The following ODC1 variants were observed in gnomAD, a reference collection of about 807,000 sequenced individuals.
ODC1 encodes the protein ornithine decarboxylase 1.
Under a neutral mutation model 41.5 loss-of-function variants are expected in ODC1, and 18 were observed. The ratio of observed to expected loss-of-function variants is 0.43; its 90% CI spans 0.30 to 0.64. The LOEUF (loss-of-function observed/expected upper bound fraction) is 0.64. Among genes scored for constraint, ODC1 ranks in the 30% least tolerant of loss-of-function variants. ODC1 has a pLI of 0.11. For missense variants in ODC1, 504 were observed against 589.0 expected (o/e 0.86, Z 1.49); for synonymous variants, 218 against 211.6 (o/e 1.03, Z -0.26).
At position 10,441,695 on chromosome 2, in the gene ODC1, G is replaced by A; in HGVS notation, c.1055C>T (p.Ser352Leu). 2.5e-6 allele frequency: 4 copies of A among 1,614,170 alleles called. No homozygotes were observed. The highest frequency in any genetic ancestry group is 2.5e-6 in the Non-Finnish European group (3 of 1,180,032). The change falls in exon 11 of 12, where the codon TCA (serine) becomes TTA (leucine). Residue 352 changes from serine to leucine, a missense_variant. By Grantham distance (145) the Ser-to-Leu change is moderately radical (BLOSUM62 -2). Coordinates refer to ENST00000234111, the MANE Select transcript of ODC1 (RefSeq NM_002539.3). Reference protein sequence around the residue: ...KRPKPDEKYYSSSIWGPTCDG... With the variant: ...KRPKPDEKYYLSSIWGPTCDG... Reference sequence around the variant, plus strand: ...ACATGTTGGTCCCCATATGCTGGATGAATAATACTTCTCATCTGGTTTAGG... The same window carrying A: ...ACATGTTGGTCCCCATATGCTGGATAAATAATACTTCTCATCTGGTTTAGG...
rs758530980 is a variant in ODC1 at position 10,441,539 on chromosome 2, G to A, written c.1211C>T (p.Thr404Met). Residue 404 changes from threonine to methionine, a missense_variant, in exon 11 of 12, where the codon ACG (threonine) becomes ATG (methionine). Transcript: ENST00000234111. ...ASTFNGFQRP[T>M]IYYVMSGPAW... ...AGGCCCTGACATCACATAGTAGATC[G>A]TCGGCCTCTGGAAGCCATTGAACGT... 5 of 1,613,928 alleles carry A rather than the reference G, an allele frequency of 3.1e-6. No homozygotes were observed. The highest frequency in any genetic ancestry group is 1.7e-5 in the Admixed American group (1 of 59,976).
chr2:10,445,178 G>A lies in ODC1; in HGVS notation c.-41C>T, dbSNP rs1671971218. On this transcript the variant is annotated 5_prime_UTR_variant, in exon 2 of 12. Transcript: ENST00000234111. Reference sequence around the variant, plus strand: ...ACATGGAAAACTAAGAGATGGAATTGAAAGAAATATTTCCAGCTTCTCACA... The same window carrying A: ...ACATGGAAAACTAAGAGATGGAATTAAAAGAAATATTTCCAGCTTCTCACA... The A allele has an allele frequency of 1.7e-6, 1 of 585,612 alleles. No individual in the cohort carries two copies. The highest frequency in any genetic ancestry group is 3.0e-5 in the Admixed American group (1 of 33,198). 36.3% of individuals were successfully genotyped at this position (585,612 alleles called of 1,614,324 possible). A position where few individuals can be genotyped will look rare whatever the true frequency, so the allele number is the denominator to read the frequency against.
At chr2:10,444,445 C>T (rs1397470355) in intron 4 of ODC1, 29 bp downstream of exon 4, 19 of 1,574,756 alleles carry the variant, frequency 1.2e-5, no homozygotes, top group African/African-American at 4.1e-5. Flanking sequence ...TTTTATACAA[C>T]GCTTTTGAGG....
In ODC1 at chr2:10,443,287, C is replaced by G. The variant is rs1042340617; in HGVS notation, c.693G>C (p.Leu231=). The G allele has an allele frequency of 1.9e-6, 3 of 1,611,846 alleles. No homozygotes were observed. In the African/African-American group the frequency reaches 4.0e-5, roughly 22 times the overall value. ...MGAEVGFSMY[L]LDIGGGFPGS... The stretch of plus-strand genomic sequence containing the variant: ...CAGGAAAGCCACCGCCAATATCAAG[C>G]AGATACATGCTGAAACCAACCTCAG... The change falls in exon 8 of 12, where the codon CTG becomes CTC. Residue 231 remains leucine (L), a synonymous_variant. Transcript: ENST00000234111.
intron 11 of ODC1, 146 bp from the exon 12 acceptor site, chr2:10,441,014 T>C: frequency 5.3e-6 from 5 of 941,588 alleles, no homozygotes; most frequent in Non-Finnish European, 7.7e-6. Flanking sequence ...TGGAATACAA[T>C]GGTGCTATCA....
chr2:10,444,417 T>TG, intron 4 of ODC1, 57 bp downstream of exon 4: 6 of 1,541,496 alleles, frequency 3.9e-6, no homozygotes, highest in Non-Finnish European at 5.2e-6. Context: ...ATCTGCCTCG[T>TG]GGGGAATACC....
At chr2:10,445,345 G>A (rs1217665006) in intron 1 of ODC1, 81 bp from the exon 2 acceptor site, 6 of 313,570 alleles carry the variant, frequency 1.9e-5, no homozygotes, top group African/African-American at 2.2e-5. Context: ...AGCACACGCA[G>A]AGCTAATCAT....
At chr2:10,444,878 C>G in intron 3 of ODC1, 53 bp downstream of exon 3, 1 of 1,340,932 alleles carries the variant, frequency 7.5e-7, no homozygotes, top group Non-Finnish European at 1.1e-6. Context: ...CCAAAGTTTT[C>G]CACTTGCCTG....
intron 8 of ODC1, among the ~76,000 whole-genome samples, chr2:10,442,971 C>T (rs564745273): frequency 1.1e-3 from 169 of 152,270 alleles, no homozygotes; most frequent in Non-Finnish European, 1.9e-3. Context: ...CCTTGGCCTC[C>T]CCAAGTGCTG....
rs776281486 is a variant in ODC1, at chr2:10,444,937, A to C, written c.96T>G (p.Ser32=). 2.0e-5 allele frequency: 33 copies of C among 1,610,390 alleles called. No homozygotes were observed. Among genetic ancestry groups the C allele is most frequent in the Non-Finnish European group, 2.7e-5 (32 of 1,176,762 alleles). ...ATGGGCCTCATATACTTACAGAAGA[A>C]GAAACTTCATTAATTTTCTGGTCCA... ...DILDQKINEV[S]SSDDKDAFYV... is the part of the protein sequence containing the mutation. Residue 32 remains serine (S), a synonymous_variant, in exon 3 of 12, where the codon TCT becomes TCG. Coordinates refer to ENST00000234111, the MANE Select transcript of ODC1 (RefSeq NM_002539.3).
chr2:10,440,890 A>G, intron 11 of ODC1, 22 bp from the exon 12 acceptor site: 2 of 1,613,634 alleles, frequency 1.2e-6, no homozygotes, highest in Non-Finnish European at 1.7e-6. Flanking sequence ...AAAGTGGCAT[A>G]TTAAAAACCC....
intron 8 of ODC1, 101 bp from the exon 9 acceptor site, chr2:10,442,275 G>T: frequency 8.5e-7 from 1 of 1,181,178 alleles, no homozygotes; most frequent in Non-Finnish European, 1.2e-6. Context: ...CATGAGACCA[G>T]GCATCAACAG....
At chr2:10,442,801 C>G (rs1028661093) in intron 8 of ODC1, among the ~76,000 whole-genome samples, 3 of 152,074 alleles carry the variant, frequency 2.0e-5, no homozygotes, top group Admixed American at 6.5e-5. Context: ...GCCTCAACCT[C>G]CTGGGCTCAA....
chr2:10,443,478 A>T lies in ODC1; in HGVS notation c.666+12T>A. 2 of 1,612,854 alleles carry T rather than the reference A, an allele frequency of 1.2e-6. No homozygotes were observed. The highest frequency in any genetic ancestry group is 1.7e-6 in the Non-Finnish European group (2 of 1,178,864). ...TGTCCCGCCCTTCCCTAACAGGGTCACGTATACTCACCCCCATGTCAAAAA... is the reference window on the plus strand; with the variant it reads ...TGTCCCGCCCTTCCCTAACAGGGTCTCGTATACTCACCCCCATGTCAAAAA... On this transcript the variant is annotated intron_variant, in intron 7 of 11. Coordinates refer to ENST00000234111, the MANE Select transcript of ODC1 (RefSeq NM_002539.3).
In ODC1 at chr2:10,445,158, G is replaced by A. The variant is rs1294001945; in HGVS notation, c.-21C>T. On this transcript the variant is annotated 5_prime_UTR_variant, in exon 2 of 12. Transcript: ENST00000234111. ...TAAATGTAAACTGAATACTTACATGGAAAACTAAGAGATGGAATTGAAAGA... is the reference window on the plus strand; with the variant it reads ...TAAATGTAAACTGAATACTTACATGAAAAACTAAGAGATGGAATTGAAAGA... The A allele has an allele frequency of 1.6e-6, 1 of 619,306 alleles. No homozygotes were observed. The highest frequency in any genetic ancestry group is 2.9e-5 in the Admixed American group (1 of 35,038). The allele number at this position is 619,306 out of a possible 1,614,324, so 38.4% of individuals were successfully genotyped here. A position where few individuals can be genotyped will look rare whatever the true frequency, so the allele number is the denominator to read the frequency against.
At chr2:10,443,176 A>C (rs1671888559) in intron 8 of ODC1, 54 bp downstream of exon 8, 1 of 1,416,536 alleles carries the variant, frequency 7.1e-7, no homozygotes, top group South Asian at 1.2e-5. Flanking sequence ...GAAATATTCC[A>C]AAAAGGAATT....
At position 10,442,113 on chromosome 2, in the gene ODC1, A is replaced by T; in HGVS notation, c.812T>A (p.Ile271Asn). ...ATAGTATCTGCCGGGCTCAGCTATG[A>T]TTCTCACTCCAGAGTCTGACGGAAA... Reference protein sequence around the residue: ...KYFPSDSGVRIIAEPGRYYVA... With the variant: ...KYFPSDSGVRNIAEPGRYYVA... The change falls in exon 9 of 12, where the codon ATC becomes AAC. Residue 271 changes from isoleucine to asparagine, a missense_variant. Coordinates refer to ENST00000234111, the MANE Select transcript of ODC1 (RefSeq NM_002539.3). 6.2e-7 allele frequency: 1 copy of T among 1,614,122 alleles called. No individual in the cohort carries two copies. Among genetic ancestry groups the T allele is most frequent in the Non-Finnish European group, 8.5e-7 (1 of 1,180,010 alleles).
At position 10,443,788 on chromosome 2, in the gene ODC1, G is replaced by GA. The variant is rs2148069469; in HGVS notation, c.497dup (p.Ser167GlnfsTer40). 6.2e-7 allele frequency: 1 copy of GA among 1,614,172 alleles called. No homozygotes were observed. The highest frequency in any genetic ancestry group is 8.5e-7 in the Non-Finnish European group (1 of 1,180,030). On this transcript the variant is annotated frameshift_variant, in exon 6 of 12. Coordinates refer to ENST00000234111, the MANE Select transcript of ODC1 (RefSeq NM_002539.3). LOFTEE classifies it high-confidence loss of function. Reference sequence around the variant, plus strand: ...TGAGCGTGGCACCGAATTTCACACTGAGACGACAGACTGCTTTGGAATCAT... The same window carrying GA: ...TGAGCGTGGCACCGAATTTCACACTGAAGACGACAGACTGCTTTGGAATCAT...
At position 10,444,338 on chromosome 2, in the gene ODC1, A is replaced by C; in HGVS notation, c.277-71T>G. ...CGTGGAATAAACAGAAAAGCATGGG[A>C]AGTTGTCATGTACCCCCCCGCCCCA... On this transcript the variant is annotated intron_variant, in intron 4 of 11. Transcript: ENST00000234111. The C allele has an allele frequency of 5.3e-6, 8 of 1,518,060 alleles. No individual in the cohort carries two copies. The South Asian group carries it at 1.1e-4, about 20-fold the overall frequency. The allele number at this position is 1,518,060 out of a possible 1,614,324, so 94.0% of individuals were successfully genotyped here. A position where few individuals can be genotyped will look rare whatever the true frequency, so the allele number is the denominator to read the frequency against.
Sources: gnomAD v4.1 joint callset for allele counts (sites outside exome capture counted in the v4.1 genomes callset) on GRCh38, gnomAD v4.1.1 for gene constraint, MANE v1.5 for transcripts, NCBI Gene and HGNC (gene_info 2026-07-23, HGNC 2026-07-21) for gene names.